Variants in PLPPR1 observed in about 807,000 individuals in gnomAD.
PLPPR1 encodes the protein phospholipid phosphatase related 1, also known as phospholipid phosphatase-related protein type 1.
A neutral mutation model predicts 33.1 loss-of-function variants in PLPPR1; 10 were observed. The observed-to-expected ratio is 0.30, with a 90% CI of 0.19 to 0.51. The LOEUF is 0.51. Among genes scored for constraint, PLPPR1 ranks in the 20% least tolerant of loss-of-function variants. PLPPR1 has a pLI of 0.97. For synonymous variants in PLPPR1, 151 were observed against 151.0 expected (o/e 1.00, Z 0.00); for missense variants, 304 against 408.1 (o/e 0.74, Z 2.20).
intron 1 of PLPPR1, among the ~76,000 whole-genome samples, chr9:101,112,105 C>A (rs1831064328): frequency 6.6e-6 from 1 of 152,146 alleles, no homozygotes; most frequent in Non-Finnish European, 1.5e-5. Context: ...TATTTAAAGA[C>A]AATGCAGTTT....
chr9:101,094,757 C>A (rs1171858337), intron 1 of PLPPR1, among the ~76,000 whole-genome samples: 1 of 152,134 alleles, frequency 6.6e-6, no homozygotes, highest in Non-Finnish European at 1.5e-5. Flanking sequence ...GGTTGATAAG[C>A]ACCAAATTGT....
At chr9:101,233,927 C>T (rs546607516) in intron 2 of PLPPR1, among the ~76,000 whole-genome samples, 97 of 152,036 alleles carry the variant, frequency 6.4e-4, no homozygotes, top group Non-Finnish European at 1.1e-3. Context: ...CCATGTAATT[C>T]CAAAGTCAGC....
intron 1 of PLPPR1, among the ~76,000 whole-genome samples, chr9:101,090,595 C>T (rs1830729299): frequency 6.6e-6 from 1 of 151,974 alleles, no homozygotes; most frequent in Non-Finnish European, 1.5e-5. Context: ...TTCACGTCTC[C>T]GTTTTTTAAC....
At chr9:101,226,521 T>C (rs868060151) in intron 2 of PLPPR1, among the ~76,000 whole-genome samples, 1 of 152,084 alleles carries the variant, frequency 6.6e-6, no homozygotes, top group Non-Finnish European at 1.5e-5. Flanking sequence ...CATTGATAGA[T>C]TCAGTGTCTG....
At chr9:101,292,182 A>G (rs1365175068) in intron 4 of PLPPR1, among the ~76,000 whole-genome samples, 1 of 152,240 alleles carries the variant, frequency 6.6e-6, no homozygotes, top group East Asian at 1.9e-4. Context: ...ACTGGAAGAA[A>G]GGGTATCAGC....
chr9:101,046,541 G>A (rs896861910), intron 1 of PLPPR1, among the ~76,000 whole-genome samples: 2 of 145,978 alleles, frequency 1.4e-5, no homozygotes, highest in Non-Finnish European at 3.0e-5. Context: ...CCGGGTTCAC[G>A]CCATTCTCCT....
chr9:101,099,326 G>T (rs1830865747), intron 1 of PLPPR1, among the ~76,000 whole-genome samples: 1 of 152,110 alleles, frequency 6.6e-6, no homozygotes, highest in African/African-American at 2.4e-5. Context: ...CTATGATCCT[G>T]TGATGAGCCA....
intron 2 of PLPPR1, among the ~76,000 whole-genome samples, chr9:101,200,969 TAAA>T (rs1167386217): frequency 1.3e-5 from 2 of 152,134 alleles, no homozygotes; most frequent in African/African-American, 4.8e-5. Flanking sequence ...GAGTAAATCA[TAAA>T]AAACAGAAAA....
At chr9:101,223,633 T>G (rs1365404388) in intron 2 of PLPPR1, among the ~76,000 whole-genome samples, 1 of 152,062 alleles carries the variant, frequency 6.6e-6, no homozygotes, top group Non-Finnish European at 1.5e-5. Flanking sequence ...TGAGTGACTC[T>G]CAAAAGATCT....
intron 2 of PLPPR1, among the ~76,000 whole-genome samples, chr9:101,217,199 G>A (rs1002345051): frequency 6.6e-6 from 1 of 151,796 alleles, no homozygotes; most frequent in Admixed American, 6.6e-5. Context: ...ATTATTGAAA[G>A]AAATTATCTG....
At chr9:101,174,289 G>T (rs1487692057) in intron 1 of PLPPR1, among the ~76,000 whole-genome samples, 1 of 152,160 alleles carries the variant, frequency 6.6e-6, no homozygotes, top group African/African-American at 2.4e-5. Flanking sequence ...TTTTATTTTA[G>T]TGAACTCTAT....
intron 1 of PLPPR1, among the ~76,000 whole-genome samples, chr9:101,127,769 C>T (rs1831264015): frequency 6.6e-6 from 1 of 152,162 alleles, no homozygotes; most frequent in South Asian, 2.1e-4. Context: ...GGGTTTTAGA[C>T]CCTGGATCCT....
At chr9:101,186,114 T>C (rs187290530) in intron 2 of PLPPR1, among the ~76,000 whole-genome samples, 1 of 152,026 alleles carries the variant, frequency 6.6e-6, no homozygotes, top group Admixed American at 6.6e-5. Context: ...AACTTTGTAC[T>C]AGCAGTTTTT....
At chr9:101,038,412 A>C (rs181518054) in intron 1 of PLPPR1, among the ~76,000 whole-genome samples, 1 of 152,256 alleles carries the variant, frequency 6.6e-6, no homozygotes, top group African/African-American at 2.4e-5. Context: ...AAACATTCAC[A>C]TTCTAGCAAG....
At chr9:101,307,840 G>T (rs867353097) in intron 4 of PLPPR1, among the ~76,000 whole-genome samples, 1 of 152,086 alleles carries the variant, frequency 6.6e-6, no homozygotes, top group South Asian at 2.1e-4. Context: ...GCTGCCTCTC[G>T]CACTTGTCAA....
intron 2 of PLPPR1, among the ~76,000 whole-genome samples, chr9:101,235,210 T>A (rs970036789): frequency 1.3e-5 from 2 of 151,910 alleles, no homozygotes; most frequent in Non-Finnish European, 2.9e-5. Context: ...ATTTTACTTT[T>A]TCCCCCGATT....
At chr9:101,309,175 T>A in intron 4 of PLPPR1, 36 bp from the exon 5 acceptor site, 1 of 1,611,330 alleles carries the variant, frequency 6.2e-7, no homozygotes, top group Non-Finnish European at 8.5e-7. Context: ...TGACAGAGTA[T>A]GTTACCATTC....
intron 1 of PLPPR1, among the ~76,000 whole-genome samples, chr9:101,089,235 T>C (rs1405387546): frequency 6.6e-6 from 1 of 152,048 alleles, no homozygotes; most frequent in African/African-American, 2.4e-5. Context: ...AAATAGATGT[T>C]CAAAAAGTTA....
intron 1 of PLPPR1, among the ~76,000 whole-genome samples, chr9:101,148,756 C>G (rs1312890836): frequency 6.6e-6 from 1 of 152,152 alleles, no homozygotes; most frequent in Non-Finnish European, 1.5e-5. Context: ...TCCACCCAGT[C>G]CCACAGAGAC....
Sources: allele counts gnomAD v4.1 joint callset (sites outside exome capture counted in the v4.1 genomes callset), GRCh38; gene constraint gnomAD v4.1.1; transcripts MANE v1.5; gene names NCBI Gene and HGNC (gene_info 2026-07-23, HGNC 2026-07-21).